SLC14A2: variants seen among roughly 807,000 people sequenced by gnomAD.
SLC14A2 encodes solute carrier family 14 member 2.
A neutral mutation model predicts 104.6 loss-of-function variants in SLC14A2; 91 were observed. That is an observed-to-expected ratio of 0.87 (90% CI 0.73 to 1.04). The LOEUF is 1.04. Ranked by LOEUF, SLC14A2 falls within the 50% of genes least tolerant of loss-of-function variation. The probability of loss-of-function intolerance (pLI) is 0.00; values close to 1 mark genes in which losing one functional copy is unlikely to be tolerated. For synonymous variants in SLC14A2, 476 were observed against 466.4 expected (o/e 1.02, Z -0.27); for missense variants, 1,189 against 1,156.0 (o/e 1.03, Z -0.41).
At chr18:45,495,792 A>G (rs1407117384) in intron 2 of SLC14A2, among the ~76,000 whole-genome samples, 1 of 152,134 alleles carries the variant, frequency 6.6e-6, no homozygotes, top group African/African-American at 2.4e-5. Context: ...GAACTGGTAA[A>G]ATATTAGTAT....
chr18:45,277,611 G>T (rs937212309), intron 1 of SLC14A2, among the ~76,000 whole-genome samples: 3 of 152,096 alleles, frequency 2.0e-5, no homozygotes, highest in Non-Finnish European at 4.4e-5. Context: ...GTCTTGCCAT[G>T]TTGCTCAGGC....
chr18:45,403,644 G>A (rs1467858644), intron 1 of SLC14A2, among the ~76,000 whole-genome samples: 1 of 151,932 alleles, frequency 6.6e-6, no homozygotes, highest in Non-Finnish European at 1.5e-5. Flanking sequence ...CCTAGTTCAT[G>A]GTCTTGGCCT....
chr18:45,321,908 G>C (rs1208241620), intron 1 of SLC14A2, among the ~76,000 whole-genome samples: 1 of 152,186 alleles, frequency 6.6e-6, no homozygotes, highest in East Asian at 1.9e-4. Context: ...TGTCAACTGA[G>C]TCATTGAAGA....
upstream of SLC14A2, among the ~76,000 whole-genome samples, chr18:45,210,539 A>T (rs548425609): frequency 6.6e-6 from 1 of 152,230 alleles, no homozygotes; most frequent in Non-Finnish European, 1.5e-5. Flanking sequence ...TGATTGCTCC[A>T]CTGCACTCTA....
At chr18:45,504,608 G>A (rs2043253184) in intron 2 of SLC14A2, among the ~76,000 whole-genome samples, 1 of 152,158 alleles carries the variant, frequency 6.6e-6, no homozygotes, top group South Asian at 2.1e-4. Flanking sequence ...GTCAGTAATA[G>A]TGACCATTAA....
At chr18:45,361,489 G>T (rs533365575) in intron 1 of SLC14A2, among the ~76,000 whole-genome samples, 2 of 152,248 alleles carry the variant, frequency 1.3e-5, no homozygotes, top group East Asian at 3.9e-4. Context: ...AAGGAAAAGG[G>T]CACCTCTACA....
chr18:45,270,443 C>T (rs1268490094), intron 1 of SLC14A2, among the ~76,000 whole-genome samples: 2 of 152,096 alleles, frequency 1.3e-5, no homozygotes, highest in Non-Finnish European at 2.9e-5. Context: ...CTTCCTGGTG[C>T]TGCATGCTTG....
intron 1 of SLC14A2, among the ~76,000 whole-genome samples, chr18:45,413,381 G>A (rs914613384): frequency 3.3e-5 from 5 of 152,142 alleles, no homozygotes; most frequent in African/African-American, 1.2e-4. Context: ...ATACTTGTAG[G>A]GTTGTGTTGC....
the SLC14A2 span, among the ~76,000 whole-genome samples, chr18:45,191,754 C>T: frequency 6.6e-6 from 1 of 152,146 alleles, no homozygotes; most frequent in Admixed American, 6.5e-5. Context: ...GTCAAGCAGA[C>T]ACCCCTGGGT....
intron 10 of SLC14A2, chr18:45,647,988 TA>T (rs1434767216): frequency 1.3e-5 from 2 of 152,104 alleles, no homozygotes; most frequent in Non-Finnish European, 2.9e-5. Context: ...TCTATGTTCT[TA>T]TTTTTTTGTA....
At chr18:45,552,869 T>C (rs1197290349) in intron 2 of SLC14A2, among the ~76,000 whole-genome samples, 1 of 152,184 alleles carries the variant, frequency 6.6e-6, no homozygotes, top group South Asian at 2.1e-4. Context: ...GCCCAGAGCA[T>C]GAGGCCATGG....
At position 45,526,590 on chromosome 18, in the gene SLC14A2, TAAG is replaced by T. The variant is rs201125473; in HGVS notation, c.-35+43272_-35+43274del. On this transcript the variant is annotated intron_variant, in intron 2 of 20. Coordinates refer to the SLC14A2 transcript ENST00000586448. Reference sequence around the variant, plus strand: ...AGTAGGGCCAAGCTATTGCTTCTGATAAGAAGTGATTTTGGAGTGAACTTGAGA... The same window carrying T: ...AGTAGGGCCAAGCTATTGCTTCTGATAAGTGATTTTGGAGTGAACTTGAGA... 7.5e-3 allele frequency among the ~76,000 whole-genome samples: 1,143 copies of T among 152,214 alleles called. 17 individuals are homozygous for T. Among genetic ancestry groups the T allele is most frequent in the African/African-American group, 0.026 (1,093 of 41,528 alleles).
At chr18:45,175,935 T>C in the SLC14A2 span, among the ~76,000 whole-genome samples, 1 of 152,182 alleles carries the variant, frequency 6.6e-6, no homozygotes, top group Admixed American at 6.5e-5. Context: ...GTCAAATAAA[T>C]AAAATTTTTA....
At position 45,542,035 on chromosome 18, in the gene SLC14A2, GTTTTTTTTTTTTTTTTTTTT is replaced by G. The variant is rs60977948; in HGVS notation, c.-35+58731_-35+58750del. The stretch of plus-strand genomic sequence containing the variant: ...GGGCTTGTTAGATGAAAGAGAGAGG[GTTTTTTTTTTTTTTTTTTTT>G]TTTTTTTTTTTTTTTTTGCTTTTGA... On this transcript the variant is annotated intron_variant, in intron 2 of 20. Transcript: ENST00000586448. Among the ~76,000 whole-genome samples, 118 of 54,234 alleles carry G rather than the reference GTTTTTTTTTTTTTTTTTTTT, an allele frequency of 2.2e-3. 1 individual carries two copies. Among genetic ancestry groups the G allele is most frequent in the African/African-American group, 6.1e-3 (98 of 16,068 alleles). 35.6% of individuals were successfully genotyped at this position (54,234 alleles called of 152,430 possible). A position where few individuals can be genotyped will look rare whatever the true frequency, so the allele number is the denominator to read the frequency against.
chr18:45,414,778 A>G (rs2086257496), intron 1 of SLC14A2, among the ~76,000 whole-genome samples: 1 of 124,408 alleles, frequency 8.0e-6, no homozygotes. Context: ...ATATATATAT[A>G]TATATATATA....
In SLC14A2 at chr18:45,578,110, C is replaced by A. The variant is rs565887984; in HGVS notation, c.-34-46521C>A. ...CCCCTAGACCCTACCATTTCCCTGTCTGAAAGGCTCTCCTCTTTCTCCTTT... is the reference window on the plus strand; with the variant it reads ...CCCCTAGACCCTACCATTTCCCTGTATGAAAGGCTCTCCTCTTTCTCCTTT... On this transcript the variant is annotated intron_variant, in intron 2 of 20. Transcript: ENST00000586448. Among the ~76,000 whole-genome samples, 154 of 152,286 alleles carry A rather than the reference C, an allele frequency of 1.0e-3. 6 individuals are homozygous for A. In the South Asian group the frequency reaches 0.032, roughly 32 times the overall value.
chr18:45,339,553 AAC>A (rs753471580), intron 1 of SLC14A2, among the ~76,000 whole-genome samples: 4 of 151,608 alleles, frequency 2.6e-5, no homozygotes, highest in Admixed American at 1.3e-4. Flanking sequence ...GATTAAAATG[AAC>A]ACACACACAC....
chr18:45,297,582 T>A (rs963650308), intron 1 of SLC14A2, among the ~76,000 whole-genome samples: 1 of 152,228 alleles, frequency 6.6e-6, no homozygotes, highest in African/African-American at 2.4e-5. Flanking sequence ...TTGATCTTCC[T>A]GGGTCTCAAT....
intron 2 of SLC14A2, among the ~76,000 whole-genome samples, chr18:45,546,002 C>T (rs2144869277): frequency 6.6e-6 from 1 of 152,228 alleles, no homozygotes; most frequent in Non-Finnish European, 1.5e-5. Context: ...TGCTATAAAA[C>T]TATTACTGAG....
Sources: gnomAD v4.1 joint callset for allele counts (sites outside exome capture counted in the v4.1 genomes callset) on GRCh38, gnomAD v4.1.1 for gene constraint, MANE v1.5 for transcripts, NCBI Gene and HGNC (gene_info 2026-07-23, HGNC 2026-07-21) for gene names.